Variants in ASS1 observed in about 807,000 individuals in gnomAD.
ASS1 encodes argininosuccinate synthase 1.
ASS1 carries 58 observed loss-of-function variants against 60.5 expected under a neutral mutation model. That is an observed-to-expected ratio of 0.96 (90% CI 0.78 to 1.19). The LOEUF is 1.19. ASS1 is among the 50% of genes most tolerant of loss of function. The probability of loss-of-function intolerance (pLI) is 0.00; values close to 1 mark genes in which losing one functional copy is unlikely to be tolerated. For synonymous variants in ASS1, 200 were observed against 206.9 expected (o/e 0.97, Z 0.29); for missense variants, 454 against 547.3 (o/e 0.83, Z 1.70).
At chr9:130,471,549 C>A (rs1220885791) in intron 8 of ASS1, 34 bp downstream of exon 8, 3 of 1,605,300 alleles carry the variant, frequency 1.9e-6, no homozygotes, top group East Asian at 2.2e-5. Flanking sequence ...TCCCAGCTGG[C>A]CACCTTTGGT....
intron 10 of ASS1, 46 bp downstream of exon 10, chr9:130,479,846 G>C (rs375131092): frequency 6.4e-7 from 1 of 1,569,758 alleles, no homozygotes; most frequent in Non-Finnish European, 8.8e-7. Context: ...CCGCCGTCTC[G>C]GGCGAGCACG....
chr9:130,471,676 G>GC (rs1265449196), intron 8 of ASS1, among the ~76,000 whole-genome samples, 161 bp downstream of exon 8: 1 of 152,000 alleles, frequency 6.6e-6, no homozygotes, highest in Non-Finnish European at 1.5e-5. Flanking sequence ...CCCCGCACTG[G>GC]CCCCCCTCTG....
intron 2 of ASS1, among the ~76,000 whole-genome samples, chr9:130,453,985 G>A (rs1034644688): frequency 6.6e-6 from 1 of 152,252 alleles, no homozygotes; most frequent in Non-Finnish European, 1.5e-5. Context: ...ATGAGTTTCA[G>A]GAGAACCCTA....
intron 13 of ASS1, 99 bp from the exon 14 acceptor site, chr9:130,499,406 T>A: frequency 7.9e-7 from 1 of 1,262,750 alleles, no homozygotes; most frequent in Non-Finnish European, 1.1e-6. Flanking sequence ...GGAAATGCCC[T>A]GGCATCTGGG....
intron 3 of ASS1, among the ~76,000 whole-genome samples, chr9:130,456,785 G>A (rs527605497): frequency 3.9e-5 from 6 of 152,114 alleles, no homozygotes; most frequent in Non-Finnish European, 8.8e-5. Context: ...TTCTTTAGTA[G>A]AGAAACCCCA....
intron 1 of ASS1, chr9:130,451,913 C>A: frequency 1.8e-6 from 1 of 545,180 alleles, no homozygotes. Context: ...CCAAACTGCT[C>A]AGCCTCAGCC....
chr9:130,481,311 T>A (rs1419736060), intron 11 of ASS1, among the ~76,000 whole-genome samples: 4 of 152,002 alleles, frequency 2.6e-5, no homozygotes, highest in Non-Finnish European at 5.9e-5. Flanking sequence ...AGAGCAAGGT[T>A]TCAGCAGTTG....
intron 13 of ASS1, among the ~76,000 whole-genome samples, chr9:130,497,347 G>T (rs1201395429): frequency 6.6e-6 from 1 of 152,176 alleles, no homozygotes; most frequent in Non-Finnish European, 1.5e-5. Flanking sequence ...ACAGGGACCA[G>T]CGAGGAAGCC....
At position 130,459,078 on chromosome 9, in the gene ASS1, A is replaced by G. The variant is rs1845521231; in HGVS notation, c.363+489A>G. 6.6e-6 allele frequency among the ~76,000 whole-genome samples: 1 copy of G among 152,176 alleles called. No homozygotes were observed. The highest frequency in any genetic ancestry group is 1.5e-5 in the Non-Finnish European group (1 of 68,036). On this transcript the variant is annotated intron_variant, in intron 4 of 14. Transcript: ENST00000352480. The surrounding 1 kb of genome is among the most constrained non-coding windows in gnomAD (Gnocchi z 4.6). ...GGCTCATGCCATGTCTTAGTTTCCCAGGGCGAGGGTAACAAAATGTCTCAA... is the reference window on the plus strand; with the variant it reads ...GGCTCATGCCATGTCTTAGTTTCCCGGGGCGAGGGTAACAAAATGTCTCAA...
At chr9:130,495,251 C>T (rs371169387) in intron 13 of ASS1, among the ~76,000 whole-genome samples, 7 of 152,056 alleles carry the variant, frequency 4.6e-5, no homozygotes, top group Middle Eastern at 3.4e-3. Context: ...AAGGTGGCAG[C>T]GGGCTGTGAG....
At chr9:130,454,798 C>T (rs1283690641) in intron 3 of ASS1, among the ~76,000 whole-genome samples, 1 of 151,458 alleles carries the variant, frequency 6.6e-6, no homozygotes, top group African/African-American at 2.4e-5. Flanking sequence ...ATCCATCCAT[C>T]CATCCATCCA....
At chr9:130,466,688 C>T (rs376591656) in intron 5 of ASS1, 37 bp from the exon 6 acceptor site, 13 of 1,598,390 alleles carry the variant, frequency 8.1e-6, no homozygotes, top group East Asian at 2.2e-5. Context: ...GCCCACAGCT[C>T]GGCCCTCCCG....
In ASS1 at chr9:130,477,090, G is replaced by A; in HGVS notation, c.688+129G>A. On this transcript the variant is annotated intron_variant, in intron 9 of 14. Transcript: ENST00000352480. The surrounding 1 kb of genome is among the most constrained non-coding windows in gnomAD (Gnocchi z 4.2). ...ATTCCTGGAAGCTAGAGTTCAGGCA[G>A]GGGCTTCAAGGTAACGCACAGCCCA... 4 of 973,906 alleles carry A rather than the reference G, an allele frequency of 4.1e-6. No homozygotes were observed. The South Asian group carries it at 5.7e-5, about 14-fold the overall frequency. The allele number at this position is 973,906 out of a possible 1,614,324, so 60.3% of individuals were successfully genotyped here.
intron 9 of ASS1, 56 bp from the exon 10 acceptor site, chr9:130,479,660 C>T: frequency 7.0e-7 from 1 of 1,421,556 alleles, no homozygotes; most frequent in Non-Finnish European, 9.9e-7. Flanking sequence ...GTGGCGGGTG[C>T]AGACTCCTCC....
intron 11 of ASS1, among the ~76,000 whole-genome samples, chr9:130,487,043 C>G (rs961968246): frequency 1.3e-5 from 2 of 152,224 alleles, no homozygotes; most frequent in Non-Finnish European, 2.9e-5. Context: ...AGCCACCCCC[C>G]TCCCCAGGCC....
At chr9:130,458,291 A>G in intron 3 of ASS1, 110 bp from the exon 4 acceptor site, 1 of 1,225,582 alleles carries the variant, frequency 8.2e-7, no homozygotes, top group Non-Finnish European at 1.2e-6. Context: ...CACCAGGTAC[A>G]GCGGGGGTGG....
intron 2 of ASS1, among the ~76,000 whole-genome samples, chr9:130,452,818 C>G (rs1411817366): frequency 1.2e-4 from 19 of 152,202 alleles, no homozygotes. Flanking sequence ...TGTGAAGCCA[C>G]TTCCTCATCC....
At chr9:130,484,133 C>T (rs1846243093) in intron 11 of ASS1, among the ~76,000 whole-genome samples, 1 of 152,308 alleles carries the variant, frequency 6.6e-6, no homozygotes, top group Non-Finnish European at 1.5e-5. Context: ...CTCACCTTGG[C>T]CCTGGTACCT....
chr9:130,453,897 G>A (rs530587428), intron 2 of ASS1, among the ~76,000 whole-genome samples: 7 of 152,256 alleles, frequency 4.6e-5, no homozygotes, highest in African/African-American at 1.7e-4. Flanking sequence ...TTTGACTAGG[G>A]AGGAGAGCTG....
Sources: gnomAD v4.1 joint callset for allele counts (sites outside exome capture counted in the v4.1 genomes callset) on GRCh38, gnomAD v4.1.1 for gene constraint, Gnocchi (gnomAD v3.1) non-coding constraint, MANE v1.5 for transcripts, NCBI Gene and HGNC (gene_info 2026-07-23, HGNC 2026-07-21) for gene names.